SLC51A: variants seen among roughly 807,000 people sequenced by gnomAD.
The protein encoded by SLC51A is organic solute transporter subunit alpha.
A neutral mutation model predicts 34.8 loss-of-function variants in SLC51A; 22 were observed. That is an observed-to-expected ratio of 0.63 (90% CI 0.45 to 0.90). The LOEUF (loss-of-function observed/expected upper bound fraction) is 0.90. Among genes scored for constraint, SLC51A ranks in the 40% least tolerant of loss-of-function variants. The pLI, the probability that SLC51A is intolerant of heterozygous loss-of-function variation, is 0.00. For missense variants in SLC51A, 371 were observed against 414.8 expected, an observed-to-expected ratio of 0.89 and a Z score of 0.92; for synonymous variants, 181 against 176.3, an observed-to-expected ratio of 1.03 and a Z score of -0.21.
rs142051147 is a variant in SLC51A at position 196,222,556 on chromosome 3, A to C, written c.134-4409A>C. The stretch of plus-strand genomic sequence containing the variant: ...AGGCGGAGGCAGAAGAATTGCTTGG[A>C]TCCACGAGGCGGAGCTTGCAGTAAG... On this transcript the variant is annotated intron_variant, in intron 2 of 8. Coordinates refer to ENST00000296327, the MANE Select transcript of SLC51A (RefSeq NM_152672.6). Among the ~76,000 whole-genome samples the C allele has an allele frequency of 2.0e-3, 297 of 151,292 alleles. 2 individuals are homozygous for C. The highest frequency in any genetic ancestry group is 6.8e-3 in the African/African-American group (283 of 41,326).
At chr3:196,222,167 T>C (rs549357843) in intron 2 of SLC51A, among the ~76,000 whole-genome samples, 1 of 152,256 alleles carries the variant, frequency 6.6e-6, no homozygotes, top group Non-Finnish European at 1.5e-5. Flanking sequence ...TCTTATTTAA[T>C]GTTCCTGTTT....
intron 2 of SLC51A, among the ~76,000 whole-genome samples, chr3:196,225,134 C>T (rs1253208275): frequency 6.6e-6 from 1 of 151,814 alleles, no homozygotes; most frequent in Non-Finnish European, 1.5e-5. Flanking sequence ...CCACCACACC[C>T]GGCTAATTTC....
At chr3:196,226,773 TAAA>T (rs780868037) in intron 2 of SLC51A, among the ~76,000 whole-genome samples, 189 bp from the exon 3 acceptor site, 1 of 107,576 alleles carries the variant, frequency 9.3e-6, no homozygotes. Flanking sequence ...GGCTCCGTCT[TAAA>T]AAAAAAAAAA....
In SLC51A at chr3:196,229,953, C is replaced by A. The variant is rs1363177400; in HGVS notation, c.672C>A (p.Phe224Leu). The A allele has an allele frequency of 5.6e-6, 9 of 1,613,354 alleles. No homozygotes were observed. In the East Asian group the frequency reaches 6.7e-5, roughly 12 times the overall value. Reference sequence around the variant, plus strand: ...GCACAGCTCTATGGATCAACACTTTCCTTGGCGTGTCCACACTGCTGGCTC... The same window carrying A: ...GCACAGCTCTATGGATCAACACTTTACTTGGCGTGTCCACACTGCTGGCTC... ...EGSTALWINT[F>L]LGVSTLLALW... The change falls in exon 7 of 9, where the codon TTC becomes TTA. Residue 224 changes from phenylalanine (F) to leucine (L), a missense_variant. Transcript: ENST00000296327.
chr3:196,217,189 G>C (rs577744882), intron 1 of SLC51A, among the ~76,000 whole-genome samples: 22 of 152,318 alleles, frequency 1.4e-4, no homozygotes, highest in African/African-American at 4.6e-4. Flanking sequence ...GTGGCAGCTT[G>C]TCTTACTCCC....
chr3:196,217,252 G>A (rs1051745381), intron 1 of SLC51A, among the ~76,000 whole-genome samples: 4 of 152,228 alleles, frequency 2.6e-5, no homozygotes, highest in African/African-American at 9.6e-5. Context: ...GAGGCCGGGC[G>A]CCTGTAATCC....
rs1723594127 is a variant in SLC51A, at chr3:196,216,824, C to A, written c.38+74C>A. 1 of 1,420,754 alleles carries A rather than the reference C, an allele frequency of 7.0e-7. No individual in the cohort carries two copies. Among genetic ancestry groups the A allele is most frequent in the Non-Finnish European group, 9.6e-7 (1 of 1,045,456 alleles). The allele number at this position is 1,420,754 out of a possible 1,614,324, so 88.0% of individuals were successfully genotyped here. A position where few individuals can be genotyped will look rare whatever the true frequency, so the allele number is the denominator to read the frequency against. The stretch of plus-strand genomic sequence containing the variant: ...CCTATCCCGCGGCCTGTCCTCTCTC[C>A]CTCCCAGAGCCCTTTGGCGGCCGCA... On this transcript the variant is annotated intron_variant, in intron 1 of 8. Coordinates refer to ENST00000296327, the MANE Select transcript of SLC51A (RefSeq NM_152672.6). This position sits in a 1 kb window ranked among gnomAD's most constrained non-coding sequence, Gnocchi z 4.5.
intron 2 of SLC51A, among the ~76,000 whole-genome samples, chr3:196,224,425 T>C (rs1026604818): frequency 1.3e-5 from 2 of 148,450 alleles, no homozygotes; most frequent in African/African-American, 2.5e-5. Context: ...CTGGACCCGG[T>C]GGCTCACGCC....
In SLC51A at chr3:196,232,989, G is replaced by A. The variant is rs889163824; in HGVS notation, c.887-74G>A. The A allele has an allele frequency of 3.9e-5, 58 of 1,483,518 alleles. No homozygotes were observed. In the South Asian group the frequency reaches 4.5e-4, roughly 11 times the overall value. 91.9% of individuals were successfully genotyped at this position (1,483,518 alleles called of 1,614,324 possible). A position where few individuals can be genotyped will look rare whatever the true frequency, so the allele number is the denominator to read the frequency against. ...CTGGAGAAAGTGTTGCTCAACTCCC[G>A]TGCCCGGGCTGCTAGTAAAATACCA... On this transcript the variant is annotated intron_variant, in intron 8 of 8. Coordinates refer to ENST00000296327, the MANE Select transcript of SLC51A (RefSeq NM_152672.6).
At position 196,225,704 on chromosome 3, in the gene SLC51A, G is replaced by A. The variant is rs201316217; in HGVS notation, c.134-1261G>A. ...ACGTTTGTTCGGAAACACATATTGTGACTATATTCATTTTTTTCTGTTAGC... is the reference window on the plus strand; with the variant it reads ...ACGTTTGTTCGGAAACACATATTGTAACTATATTCATTTTTTTCTGTTAGC... On this transcript the variant is annotated intron_variant, in intron 2 of 8. Coordinates refer to ENST00000296327, the MANE Select transcript of SLC51A (RefSeq NM_152672.6). 9 of 152,320 alleles carry A rather than the reference G, an allele frequency of 5.9e-5. No homozygotes were observed. In the East Asian group the frequency reaches 1.7e-3, roughly 29 times the overall value. 9.4% of individuals were successfully genotyped at this position (152,320 alleles called of 1,614,324 possible). A position where few individuals can be genotyped will look rare whatever the true frequency, so the allele number is the denominator to read the frequency against.
intron 6 of SLC51A, 129 bp downstream of exon 6, chr3:196,229,049 C>A: frequency 1.3e-6 from 1 of 758,654 alleles, no homozygotes; most frequent in Non-Finnish European, 2.2e-6. Flanking sequence ...AAAACAGAGG[C>A]TCAGGGACTG....
intron 2 of SLC51A, 30 bp from the exon 3 acceptor site, chr3:196,226,935 T>A: frequency 1.3e-6 from 2 of 1,590,258 alleles, no homozygotes; most frequent in Non-Finnish European, 1.7e-6. Context: ...TCAGTCCCGG[T>A]CGTCAGCTCT....
At position 196,223,632 on chromosome 3, in the gene SLC51A, G is replaced by A. The variant is rs375250421; in HGVS notation, c.134-3333G>A. On this transcript the variant is annotated intron_variant, in intron 2 of 8. Transcript: ENST00000296327. ...TTCCCAACCACAGAACATTGGTTTT[G>A]GAAAACCACCTGCATTAATGTTGGC... Among the ~76,000 whole-genome samples the A allele has an allele frequency of 8.1e-4, 122 of 151,288 alleles. 2 individuals carry two copies. The South Asian group carries it at 0.025, about 31-fold the overall frequency.
rs1383528759 is a variant in SLC51A at position 196,229,954 on chromosome 3, C to A, written c.673C>A (p.Leu225Ile). Reference sequence around the variant, plus strand: ...CACAGCTCTATGGATCAACACTTTCCTTGGCGTGTCCACACTGCTGGCTCT... The same window carrying A: ...CACAGCTCTATGGATCAACACTTTCATTGGCGTGTCCACACTGCTGGCTCT... ...GSTALWINTFLGVSTLLALWT... is the reference protein window; with the variant it reads ...GSTALWINTFIGVSTLLALWT... The change falls in exon 7 of 9, where the codon CTT (leucine) becomes ATT (isoleucine). Residue 225 changes from leucine to isoleucine, a missense_variant. By Grantham distance (5) the Leu-to-Ile change is conservative. Transcript: ENST00000296327. 5.6e-6 allele frequency: 9 copies of A among 1,613,240 alleles called. No homozygotes were observed. The East Asian group carries it at 6.7e-5, about 12-fold the overall frequency.
chr3:196,217,002 C>T (rs547230196), intron 1 of SLC51A, among the ~76,000 whole-genome samples: 2 of 152,330 alleles, frequency 1.3e-5, no homozygotes, highest in African/African-American at 2.4e-5. Flanking sequence ...GGAAGGCATT[C>T]GCAGAGGAAA....
At position 196,232,446 on chromosome 3, in the gene SLC51A, C is replaced by T. The variant is rs1465003275; in HGVS notation, c.808C>T (p.Pro270Ser). 6.2e-7 allele frequency: 1 copy of T among 1,614,040 alleles called. No homozygotes were observed. The highest frequency in any genetic ancestry group is 1.3e-5 in the African/African-American group (1 of 74,952). Residue 270 changes from proline to serine, a missense_variant, in exon 8 of 9, where the codon CCC (proline) becomes TCC (serine). Transcript: ENST00000296327. ...TCTCCTCATCCTGACTGCCCTACAG[C>T]CCTCCATCTTCTCAGTCTTGGCCAA... is the stretch of plus-strand genomic sequence containing the variant. ...QVLLILTALQPSIFSVLANGG... is the reference protein window; with the variant it reads ...QVLLILTALQSSIFSVLANGG...
intron 8 of SLC51A, 103 bp from the exon 9 acceptor site, chr3:196,232,960 T>C (rs561624504): frequency 8.4e-7 from 1 of 1,183,676 alleles, no homozygotes; most frequent in South Asian, 1.4e-5. Context: ...GATTTGGGGA[T>C]AAACTGGAGA....
chr3:196,229,975 G>A lies in SLC51A; in HGVS notation c.694G>A (p.Ala232Thr). 1 of 1,613,828 alleles carries A rather than the reference G, an allele frequency of 6.2e-7. No individual in the cohort carries two copies. Among genetic ancestry groups the A allele is most frequent in the South Asian group, 1.1e-5 (1 of 91,038 alleles). The change falls in exon 7 of 9, where the codon GCT (alanine) becomes ACT (threonine). Residue 232 changes from alanine (A) to threonine (T), a missense_variant. Ala to Thr is a moderately conservative substitution (Grantham distance 58). Coordinates refer to ENST00000296327, the MANE Select transcript of SLC51A (RefSeq NM_152672.6). Reference sequence around the variant, plus strand: ...TTTCCTTGGCGTGTCCACACTGCTGGCTCTCTGGACCCTGGGCATCATTTC... The same window carrying A: ...TTTCCTTGGCGTGTCCACACTGCTGACTCTCTGGACCCTGGGCATCATTTC... ...NTFLGVSTLL[A>T]LWTLGIISRQ... is the part of the protein sequence containing the mutation.
intron 2 of SLC51A, among the ~76,000 whole-genome samples, chr3:196,218,394 C>T (rs138317694): frequency 2.8e-3 from 420 of 152,328 alleles, no homozygotes; most frequent in Non-Finnish European, 4.1e-3. Flanking sequence ...ATTTGTTTTA[C>T]GATCCAGCCT....
Sources: gnomAD v4.1 joint callset for allele counts (sites outside exome capture counted in the v4.1 genomes callset) on GRCh38, gnomAD v4.1.1 for gene constraint, Gnocchi (gnomAD v3.1) non-coding constraint, MANE v1.5 for transcripts, NCBI Gene and HGNC (gene_info 2026-07-23, HGNC 2026-07-21) for gene names.